The following BCCIP variants were observed in gnomAD, a reference collection of about 807,000 sequenced individuals.
BCCIP encodes BRCA2 and CDKN1A interacting protein.
A neutral mutation model predicts 32.8 loss-of-function variants in BCCIP; 23 were observed. The ratio of observed to expected loss-of-function variants is 0.70; its 90% CI spans 0.51 to 0.99. BCCIP has a LOEUF of 0.99. BCCIP is among the 50% of genes least tolerant of loss of function. The probability of loss-of-function intolerance (pLI) is 0.00; values close to 1 mark genes in which losing one functional copy is unlikely to be tolerated. For missense variants in BCCIP, 378 were observed against 379.8 expected (o/e 1.00, Z 0.04); for synonymous variants, 144 against 137.6 (o/e 1.05, Z -0.33).
intron 7 of BCCIP, among the ~76,000 whole-genome samples, chr10:125,848,116 A>G (rs756797268): frequency 6.6e-6 from 1 of 152,174 alleles, no homozygotes; most frequent in Admixed American, 6.5e-5. Context: ...TTTCTGATTT[A>G]TTTTAGGGTT....
At chr10:125,824,098 G>T (rs2134001190) in intron 1 of BCCIP, among the ~76,000 whole-genome samples, 1 of 152,312 alleles carries the variant, frequency 6.6e-6, no homozygotes, top group East Asian at 1.9e-4. Flanking sequence ...CACTCTGCGG[G>T]CGGCACTCAC....
chr10:125,827,453 A>T, intron 2 of BCCIP, 105 bp from the exon 3 acceptor site: 1 of 747,010 alleles, frequency 1.3e-6, no homozygotes, highest in African/African-American at 1.8e-5. Flanking sequence ...CTAGATCATC[A>T]TCTTAAGTCA....
chr10:125,836,613 G>T (rs773988110), downstream of BCCIP: 38 of 1,537,828 alleles, frequency 2.5e-5, no homozygotes, highest in Non-Finnish European at 3.1e-5. Context: ...TTCGCGTCAT[G>T]TATCTCCCAT....
chr10:125,846,926 A>G (rs2078570222), downstream of BCCIP, among the ~76,000 whole-genome samples: 1 of 152,224 alleles, frequency 6.6e-6, no homozygotes, highest in South Asian at 2.1e-4. Context: ...ACTAGTACCC[A>G]TCGCGGCCTG....
At chr10:125,853,695 A>G (rs112082756) in exon 8 of BCCIP, 1 of 404,238 alleles carries the variant, frequency 2.5e-6, no homozygotes, top group Non-Finnish European at 4.4e-6. Flanking sequence ...TATCACCTTT[A>G]TGCTCTAGTA....
exon 7 of BCCIP, chr10:125,841,944 GA>G: frequency 6.4e-7 from 1 of 1,570,288 alleles, no homozygotes; most frequent in Non-Finnish European, 8.6e-7. Context: ...GCTAGGAAAG[GA>G]AAAAAATAAT....
chr10:125,849,612 C>T (rs530125322), intron 7 of BCCIP, among the ~76,000 whole-genome samples: 1 of 152,264 alleles, frequency 6.6e-6, no homozygotes, highest in South Asian at 2.1e-4. Flanking sequence ...ACTCTCTGGG[C>T]TGTTTGGGCA....
At chr10:125,841,981 A>T (rs777247385) in exon 7 of BCCIP, 1 of 1,505,850 alleles carries the variant, frequency 6.6e-7, no homozygotes, top group Non-Finnish European at 8.8e-7. Context: ...TATGGCTAAG[A>T]TGGAGAAACA....
rs1431653065 is a variant in BCCIP, at chr10:125,823,588, GA to G, written c.34del (p.Ser12ValfsTer46). On this transcript the variant is annotated frameshift_variant, in exon 1 of 7. Coordinates refer to ENST00000278100, the MANE Select transcript of BCCIP (RefSeq NM_078468.3). LOFTEE classifies it high-confidence loss of function. ...GTCCAGGTCTAAGCGGCGTGCCGTG[GA>G]AAGTGGGGTTCCGCAGCCGCCGGAT... MASRSKRRAV[E>X]SGVPQPPDPP... 1 of 1,613,930 alleles carries G rather than the reference GA, an allele frequency of 6.2e-7. No homozygotes were observed. The highest frequency in any genetic ancestry group is 1.3e-5 in the African/African-American group (1 of 74,920).
chr10:125,840,569 C>T (rs1854849698), downstream of BCCIP, among the ~76,000 whole-genome samples: 1 of 152,228 alleles, frequency 6.6e-6, no homozygotes. Flanking sequence ...CGTCACCATG[C>T]CCCAAGCAAG....
downstream of BCCIP, among the ~76,000 whole-genome samples, chr10:125,840,203 G>C (rs553583735): frequency 1.3e-5 from 2 of 152,180 alleles, no homozygotes; most frequent in African/African-American, 4.8e-5. Flanking sequence ...CCCTCCTCTT[G>C]TTTCTGTCTG....
chr10:125,833,922 T>C lies in BCCIP; in HGVS notation c.750T>C (p.Asn250=), dbSNP rs770991269. The part of the protein sequence containing the change: ...NKKKAALMFA[N]AEEEFFYEKA... ...AGAAAGCTGCGTTAATGTTTGCAAATGCAGAGGAAGAATTTTTCTATGAGG... is the reference window on the plus strand; with the variant it reads ...AGAAAGCTGCGTTAATGTTTGCAAACGCAGAGGAAGAATTTTTCTATGAGG... Residue 250 remains asparagine (N), a synonymous_variant, in exon 6 of 7, where the codon AAT becomes AAC. Coordinates refer to ENST00000278100, the MANE Select transcript of BCCIP (RefSeq NM_078468.3). 2 of 1,614,230 alleles carry C rather than the reference T, an allele frequency of 1.2e-6. No homozygotes were observed. Among genetic ancestry groups the C allele is most frequent in the South Asian group, 2.2e-5 (2 of 91,088 alleles).
rs546222053 is a variant in BCCIP at position 125,851,336 on chromosome 10, T to C, written c.851-1789T>C. Reference sequence around the variant, plus strand: ...ATAAATTGTTACCCTAACCCTTTTGTCCCCCAGTTATCAGCTTTAAGCCTC... The same window carrying C: ...ATAAATTGTTACCCTAACCCTTTTGCCCCCCAGTTATCAGCTTTAAGCCTC... On this transcript the variant is annotated intron_variant, in intron 7 of 7. Coordinates refer to the BCCIP transcript ENST00000368759. Among the ~76,000 whole-genome samples, 4 of 152,284 alleles carry C rather than the reference T, an allele frequency of 2.6e-5. No individual in the cohort carries two copies. The East Asian group carries it at 7.7e-4, about 29-fold the overall frequency.
At chr10:125,832,642 A>C (rs973627505) in intron 5 of BCCIP, among the ~76,000 whole-genome samples, 1 of 151,900 alleles carries the variant, frequency 6.6e-6, no homozygotes, top group Non-Finnish European at 1.5e-5. Context: ...GTTAAAGCTG[A>C]AGTGAGCCAA....
downstream of BCCIP, among the ~76,000 whole-genome samples, chr10:125,840,436 C>T (rs889245448): frequency 7.2e-5 from 11 of 152,262 alleles, no homozygotes; most frequent in African/African-American, 2.7e-4. Flanking sequence ...TCTGCAGCCT[C>T]TCTGCATGCA....
downstream of BCCIP, among the ~76,000 whole-genome samples, chr10:125,845,162 C>T (rs1943998728): frequency 6.6e-6 from 1 of 152,224 alleles, no homozygotes; most frequent in South Asian, 2.1e-4. Flanking sequence ...CCAGAGCTGA[C>T]AGCCCCACGC....
rs545499913 is a variant in BCCIP at position 125,833,222 on chromosome 10, G to A, written c.600-550G>A. ...AGGGCATCCAGATGCACAAGGCTATGTTTAATTTTCAGAAAGAAGAAACAT... is the reference window on the plus strand; with the variant it reads ...AGGGCATCCAGATGCACAAGGCTATATTTAATTTTCAGAAAGAAGAAACAT... On this transcript the variant is annotated intron_variant, in intron 5 of 6. Coordinates refer to ENST00000278100, the MANE Select transcript of BCCIP (RefSeq NM_078468.3). 6.6e-5 allele frequency among the ~76,000 whole-genome samples: 10 copies of A among 152,224 alleles called. No homozygotes were observed. In the South Asian group the frequency reaches 2.1e-3, roughly 32 times the overall value.
At chr10:125,836,744 C>G, downstream of BCCIP, 1 of 1,614,136 alleles carries the variant, frequency 6.2e-7, no homozygotes, top group South Asian at 1.1e-5. Flanking sequence ...TTTGCTGTTC[C>G]TTATTCATTG....
chr10:125,833,791 C>T lies in BCCIP; in HGVS notation c.619C>T (p.His207Tyr). Reference protein sequence around the residue: ...QQLQKELAGAHRTNKPCGKCY... With the variant: ...QQLQKELAGAYRTNKPCGKCY... ...TTGCAGGAAAGAACTGGCGGGGGCA[C>T]ACAGAACCAATAAGCCATGTGGGAA... The change falls in exon 6 of 7, where the codon CAC becomes TAC. Residue 207 changes from histidine to tyrosine, a missense_variant. Coordinates refer to ENST00000278100, the MANE Select transcript of BCCIP (RefSeq NM_078468.3). The T allele has an allele frequency of 6.2e-7, 1 of 1,614,016 alleles. No homozygotes were observed. The highest frequency in any genetic ancestry group is 2.2e-5 in the East Asian group (1 of 44,890).
Sources: allele counts gnomAD v4.1 joint callset (sites outside exome capture counted in the v4.1 genomes callset), GRCh38; gene constraint gnomAD v4.1.1; transcripts MANE v1.5; gene names NCBI Gene and HGNC (gene_info 2026-07-23, HGNC 2026-07-21).